The following SVIL variants were observed in gnomAD, a reference collection of about 807,000 sequenced individuals.
SVIL encodes supervillin.
In SVIL, 101 loss-of-function variants were observed where a neutral mutation model predicts 240.4. That is an observed-to-expected ratio of 0.42 (90% CI 0.36 to 0.50). The LOEUF (loss-of-function observed/expected upper bound fraction) is 0.50. SVIL is among the 20% of genes least tolerant of loss of function. The pLI, the probability that SVIL is intolerant of heterozygous loss-of-function variation, is 0.01. For missense variants in SVIL, 2,512 were observed against 2,818.7 expected, an observed-to-expected ratio of 0.89 and a Z score of 2.46; for synonymous variants, 999 against 1,100.0, an observed-to-expected ratio of 0.91 and a Z score of 1.82.
intron 3 of SVIL, among the ~76,000 whole-genome samples, chr10:29,647,971 C>CAAAA (rs3030628): frequency 8.3e-5 from 8 of 96,298 alleles, no homozygotes; most frequent in African/African-American, 1.2e-4. Flanking sequence ...TTGTCAATAT[C>CAAAA]AAAAAAAAAA....
intron 1 of SVIL, among the ~76,000 whole-genome samples, chr10:29,622,696 G>GAAC (rs1378535797): frequency 6.6e-6 from 1 of 152,082 alleles, no homozygotes; most frequent in Non-Finnish European, 1.5e-5. Context: ...ATGTCTCCCA[G>GAAC]AACAACACCA....
intron 28 of SVIL, 85 bp from the exon 29 acceptor site, chr10:29,480,898 T>C: frequency 7.0e-7 from 1 of 1,434,456 alleles, no homozygotes; most frequent in South Asian, 1.3e-5. Flanking sequence ...CAGCTGTTCA[T>C]GGGACAGCAT....
At chr10:29,595,870 G>C (rs544924472) in intron 1 of SVIL, among the ~76,000 whole-genome samples, 103 of 152,350 alleles carry the variant, frequency 6.8e-4, no homozygotes, top group Non-Finnish European at 1.3e-3. Context: ...TAGGGAAACA[G>C]TAGCTGCTCT....
At chr10:29,699,031 T>C (rs1962302429) in intron 1 of SVIL, among the ~76,000 whole-genome samples, 1 of 152,248 alleles carries the variant, frequency 6.6e-6, no homozygotes, top group Non-Finnish European at 1.5e-5. Flanking sequence ...TTGGAACAAC[T>C]GGTCCACAGG....
chr10:29,531,891 T>G, intron 9 of SVIL, 111 bp downstream of exon 9: 1 of 1,258,098 alleles, frequency 7.9e-7, no homozygotes, highest in East Asian at 2.3e-5. Flanking sequence ...GATGGAACAA[T>G]TATGGAATCG....
intron 2 of SVIL, among the ~76,000 whole-genome samples, chr10:29,563,572 A>T (rs1954702640): frequency 6.6e-6 from 1 of 152,078 alleles, no homozygotes; most frequent in South Asian, 2.1e-4. Context: ...GTGAGCTTTA[A>T]CTCAGACTGA....
rs182084773 is a variant in SVIL at position 29,717,310 on chromosome 10, T to C, written c.-400+18441A>G. ...TTTTTTTCACAGATATCACACACTA[T>C]ATATGAAAGAGCTAAATTTAAAGTT... On this transcript the variant is annotated intron_variant, in intron 1 of 35. Transcript: ENST00000375400. Among the ~76,000 whole-genome samples the C allele has an allele frequency of 9.8e-3, 1,361 of 139,050 alleles. 29 individuals carry two copies. The highest frequency in any genetic ancestry group is 0.034 in the African/African-American group (1,249 of 37,142). The allele number at this position is 139,050 out of a possible 152,430, so 91.2% of individuals were successfully genotyped here.
Position 29,507,804 on chromosome 10 carries a change from T to C in SVIL, c.3516+4931A>G, listed in dbSNP as rs1448463394. ...AATAGCAGGAGAATAAGTAGAAGCATATACAGGTTCCTACAGAGCAAAGCA... is the reference window on the plus strand; with the variant it reads ...AATAGCAGGAGAATAAGTAGAAGCACATACAGGTTCCTACAGAGCAAAGCA... On this transcript the variant is annotated intron_variant, in intron 17 of 37. Coordinates refer to ENST00000355867, the MANE Select transcript of SVIL (RefSeq NM_021738.3). 3.5e-5 allele frequency: 34 copies of C among 984,970 alleles called. No homozygotes were observed. The Admixed American group carries it at 1.9e-3, about 55-fold the overall frequency. The allele number at this position is 984,970 out of a possible 1,614,324, so 61.0% of individuals were successfully genotyped here.
intron 2 of SVIL, among the ~76,000 whole-genome samples, chr10:29,658,342 C>G (rs1402780083): frequency 1.3e-5 from 2 of 152,196 alleles, no homozygotes; most frequent in Admixed American, 6.5e-5. Context: ...CATTTCTATG[C>G]AATGGTTCTC....
intron 17 of SVIL, 138 bp downstream of exon 17, chr10:29,512,597 A>T: frequency 2.8e-6 from 4 of 1,427,178 alleles, no homozygotes; most frequent in East Asian, 2.3e-5. Context: ...TCTGTGACAG[A>T]CTCTCAGTGT....
chr10:29,600,720 T>C (rs763832880), intron 1 of SVIL, among the ~76,000 whole-genome samples: 8 of 152,176 alleles, frequency 5.3e-5, no homozygotes, highest in Non-Finnish European at 4.4e-5. Flanking sequence ...AAAAGGACCC[T>C]ATGCAAAAAC....
chr10:29,611,305 G>T (rs1443750168), intron 1 of SVIL, among the ~76,000 whole-genome samples: 1 of 151,912 alleles, frequency 6.6e-6, no homozygotes, highest in Non-Finnish European at 1.5e-5. Context: ...GCACTTAAAA[G>T]TCCCTCATTT....
chr10:29,577,070 G>T (rs908390954), intron 1 of SVIL, among the ~76,000 whole-genome samples: 1 of 151,948 alleles, frequency 6.6e-6, no homozygotes, highest in Non-Finnish European at 1.5e-5. Flanking sequence ...TAGTAGAGAC[G>T]GGTTTTCACC....
chr10:29,716,988 TG>T (rs1260811225), intron 1 of SVIL, among the ~76,000 whole-genome samples: 1 of 152,166 alleles, frequency 6.6e-6, no homozygotes, highest in East Asian at 1.9e-4. Context: ...CCCAGCACTT[TG>T]GGAGGCCAAG....
chr10:29,458,624 T>C (rs1943850522), intron 36 of SVIL, 35 bp from the exon 37 acceptor site: 2 of 1,598,942 alleles, frequency 1.3e-6, no homozygotes, highest in Non-Finnish European at 1.7e-6. Flanking sequence ...GGAGAGCTCG[T>C]GTCCTACATT....
At position 29,546,791 on chromosome 10, in the gene SVIL, C is replaced by T. The variant is rs74132323; in HGVS notation, c.827+3806G>A. Among the ~76,000 whole-genome samples, 986 of 152,120 alleles carry T rather than the reference C, an allele frequency of 6.5e-3. 13 individuals are homozygous for T. The highest frequency in any genetic ancestry group is 0.022 in the African/African-American group (919 of 41,496). On this transcript the variant is annotated intron_variant, in intron 6 of 37. Coordinates refer to ENST00000355867, the MANE Select transcript of SVIL (RefSeq NM_021738.3). Reference sequence around the variant, plus strand: ...AAATAATAAGACAGCCTCTTGCTAGCGAGCACAGAACAAAATGATTAAATG... The same window carrying T: ...AAATAATAAGACAGCCTCTTGCTAGTGAGCACAGAACAAAATGATTAAATG...
chr10:29,656,397 C>T (rs1470814946), intron 3 of SVIL, among the ~76,000 whole-genome samples: 1 of 151,948 alleles, frequency 6.6e-6, no homozygotes, highest in East Asian at 1.9e-4. Flanking sequence ...TCCATTCATG[C>T]AACCACAGAA....
At chr10:29,463,885 C>T (rs932794547) in intron 34 of SVIL, among the ~76,000 whole-genome samples, 3 of 152,216 alleles carry the variant, frequency 2.0e-5, no homozygotes, top group Non-Finnish European at 4.4e-5. Flanking sequence ...TTTTTCATTC[C>T]TCGTCCTCCA....
intron 3 of SVIL, among the ~76,000 whole-genome samples, chr10:29,560,956 A>C (rs1233032412): frequency 6.6e-6 from 1 of 151,526 alleles, no homozygotes; most frequent in East Asian, 1.9e-4. Context: ...CTCCTGCCTC[A>C]GCCTCCCGAG....
Sources: allele counts gnomAD v4.1 joint callset (sites outside exome capture counted in the v4.1 genomes callset), GRCh38; gene constraint gnomAD v4.1.1; transcripts MANE v1.5; gene names NCBI Gene and HGNC (gene_info 2026-07-23, HGNC 2026-07-21).